The following PTPRD variants were observed in gnomAD, a reference collection of about 807,000 sequenced individuals.
PTPRD encodes the protein receptor-type tyrosine-protein phosphatase delta.
In PTPRD, 34 loss-of-function variants were observed where a neutral mutation model predicts 214.5. The observed-to-expected ratio is 0.16, with a 90% CI of 0.12 to 0.21. The LOEUF (loss-of-function observed/expected upper bound fraction) is 0.21. Ranked by LOEUF, PTPRD falls within the 10% of genes least tolerant of loss-of-function variation. The pLI is 1.00. For synonymous variants in PTPRD, 1,128 were observed against 845.7 expected (o/e 1.33, Z -5.79); for missense variants, 2,545 against 2,398.7 (o/e 1.06, Z -1.27).
At chr9:8,645,572 T>C (rs2096669343) in intron 12 of PTPRD, among the ~76,000 whole-genome samples, 2 of 152,130 alleles carry the variant, frequency 1.3e-5, no homozygotes, top group African/African-American at 4.8e-5. Flanking sequence ...TAGATATCTA[T>C]GCCTCTGTAT....
intron 5 of PTPRD, among the ~76,000 whole-genome samples, chr9:9,813,191 TTAA>T (rs1178340292): frequency 1.6e-4 from 24 of 151,964 alleles, no homozygotes; most frequent in African/African-American, 5.8e-4. Flanking sequence ...CTTACATTTA[TTAA>T]TAATAAAGAT....
At chr9:9,372,065 G>T (rs572848229) in intron 9 of PTPRD, among the ~76,000 whole-genome samples, 1 of 152,152 alleles carries the variant, frequency 6.6e-6, no homozygotes, top group African/African-American at 2.4e-5. Flanking sequence ...AGTGCAGTGT[G>T]GTGCTGAAAA....
chr9:10,288,004 C>G (rs1565051820), intron 3 of PTPRD, among the ~76,000 whole-genome samples: 1 of 151,734 alleles, frequency 6.6e-6, no homozygotes, highest in East Asian at 1.9e-4. Flanking sequence ...GCCTCAAATT[C>G]AATAATGACT....
intron 9 of PTPRD, among the ~76,000 whole-genome samples, chr9:9,313,747 T>C (rs1025016072): frequency 6.6e-6 from 1 of 152,144 alleles, no homozygotes; most frequent in Admixed American, 6.6e-5. Context: ...AACCAATGCC[T>C]CAGTCCACAG....
chr9:9,325,601 A>G (rs546201748), intron 9 of PTPRD, among the ~76,000 whole-genome samples: 1 of 152,226 alleles, frequency 6.6e-6, no homozygotes, highest in Admixed American at 6.5e-5. Context: ...GGCTGAGACA[A>G]TGGGGTTTTC....
At chr9:10,430,599 G>C (rs1224880683) in intron 2 of PTPRD, among the ~76,000 whole-genome samples, 1 of 151,780 alleles carries the variant, frequency 6.6e-6, no homozygotes, top group Non-Finnish European at 1.5e-5. Context: ...ATTTAAGATA[G>C]TCTGCTGAAA....
At chr9:10,515,951 T>C (rs986915674) in intron 2 of PTPRD, among the ~76,000 whole-genome samples, 1 of 151,992 alleles carries the variant, frequency 6.6e-6, no homozygotes, top group Non-Finnish European at 1.5e-5. Context: ...TGTATGGATA[T>C]ACTACATTTT....
Position 8,629,759 on chromosome 9 carries a change from C to G in PTPRD, c.352+3558G>C, listed in dbSNP as rs1231457332. ...CAAGACAACTAAAAAATTAAAATGA[C>G]TTGGAAGACATAAGCCCTACATTCA... On this transcript the variant is annotated intron_variant, in intron 14 of 45. Coordinates refer to ENST00000381196, the MANE Select transcript of PTPRD (RefSeq NM_002839.4). 1.6e-4 allele frequency among the ~76,000 whole-genome samples: 24 copies of G among 151,740 alleles called. 1 individual carries two copies. The highest frequency in any genetic ancestry group is 2.9e-5 in the Non-Finnish European group (2 of 67,852).
chr9:8,910,152 C>A (rs954854575), intron 11 of PTPRD, among the ~76,000 whole-genome samples: 1 of 152,064 alleles, frequency 6.6e-6, no homozygotes, highest in Non-Finnish European at 1.5e-5. Context: ...CCTTCTCCTG[C>A]CCCAGCCTCC....
In PTPRD at chr9:8,464,189, A is replaced by G. The variant is rs867221560; in HGVS notation, c.3714+1277T>C. Among the ~76,000 whole-genome samples the G allele has an allele frequency of 5.9e-5, 9 of 152,044 alleles. No homozygotes were observed. In the South Asian group the frequency reaches 1.9e-3, roughly 31 times the overall value. On this transcript the variant is annotated intron_variant, in intron 32 of 45. Transcript: ENST00000381196. ...TCGAATGAGATTTCTCTTCTTTGCT[A>G]GATTCTCTGATCTACCTCAATGCTC...
At position 8,977,858 on chromosome 9, in the gene PTPRD, G is replaced by A. The variant is rs2154338059; in HGVS notation, c.-104+40839C>T. ...GGAAAGACTGAGGGAGGTAGAAAAT[G>A]TAATGGAAAAACGTAATATAGCAGG... On this transcript the variant is annotated intron_variant, in intron 11 of 45. Coordinates refer to ENST00000381196, the MANE Select transcript of PTPRD (RefSeq NM_002839.4). Among the ~76,000 whole-genome samples, 3 of 152,180 alleles carry A rather than the reference G, an allele frequency of 2.0e-5. No individual in the cohort carries two copies. The Middle Eastern group carries it at 0.01, about 518-fold the overall frequency.
At chr9:10,294,396 A>G (rs139286207) in intron 3 of PTPRD, among the ~76,000 whole-genome samples, 267 of 152,102 alleles carry the variant, frequency 1.8e-3, no homozygotes, top group African/African-American at 6.1e-3. Context: ...TTACAAGCTA[A>G]AGCATAAAAA....
At chr9:8,979,863 A>G (rs2099299126) in intron 11 of PTPRD, among the ~76,000 whole-genome samples, 1 of 152,092 alleles carries the variant, frequency 6.6e-6, no homozygotes, top group African/African-American at 2.4e-5. Flanking sequence ...TCTTTTGGAC[A>G]TATACCCAAA....
intron 3 of PTPRD, among the ~76,000 whole-genome samples, chr9:10,304,959 T>C: frequency 6.6e-6 from 1 of 152,180 alleles, no homozygotes; most frequent in East Asian, 1.9e-4. Flanking sequence ...GAGACAATCC[T>C]AAGCAAAGAG....
At chr9:9,869,930 G>T (rs1365220218) in intron 5 of PTPRD, among the ~76,000 whole-genome samples, 2 of 151,918 alleles carry the variant, frequency 1.3e-5, no homozygotes, top group South Asian at 2.1e-4. Context: ...TTAAGCAATG[G>T]TTGCTAATTT....
rs1404335490 is a variant in PTPRD at position 9,987,729 on chromosome 9, A to G, written c.-472+45989T>C. Among the ~76,000 whole-genome samples the G allele has an allele frequency of 5.9e-5, 9 of 152,346 alleles. No individual in the cohort carries two copies. In the East Asian group the frequency reaches 1.5e-3, roughly 26 times the overall value. ...GGTTTACCTTAAAGATTTAATATGT[A>G]TCTCAAAATAGTATTTAATTGTTCA... On this transcript the variant is annotated intron_variant, in intron 4 of 45. Transcript: ENST00000381196.
intron 3 of PTPRD, among the ~76,000 whole-genome samples, chr9:10,051,645 C>T (rs917713190): frequency 6.6e-6 from 1 of 151,876 alleles, no homozygotes; most frequent in Non-Finnish European, 1.5e-5. Flanking sequence ...GTTCCCCTTC[C>T]TGTGTCCATG....
rs190947918 is a variant in PTPRD at position 9,640,730 on chromosome 9, G to T, written c.-286-65949C>A. ...TGGTCTTGATCACATTTATGAGGCTGGGAAGTAGAGGGGTGACCCCAGGAA... is the reference window on the plus strand; with the variant it reads ...TGGTCTTGATCACATTTATGAGGCTTGGAAGTAGAGGGGTGACCCCAGGAA... On this transcript the variant is annotated intron_variant, in intron 7 of 45. Transcript: ENST00000381196. Among the ~76,000 whole-genome samples, 417 of 152,328 alleles carry T rather than the reference G, an allele frequency of 2.7e-3. 8 individuals carry two copies. Among genetic ancestry groups the T allele is most frequent in the East Asian group, 2.7e-3 (14 of 5,184 alleles).
intron 10 of PTPRD, among the ~76,000 whole-genome samples, chr9:9,167,809 A>G (rs2099907148): frequency 6.6e-6 from 1 of 152,140 alleles, no homozygotes; most frequent in African/African-American, 2.4e-5. Context: ...ACAAAAAAGC[A>G]AAATTAATTT....
Sources: allele counts gnomAD v4.1 joint callset (sites outside exome capture counted in the v4.1 genomes callset), GRCh38; gene constraint gnomAD v4.1.1; transcripts MANE v1.5; gene names NCBI Gene and HGNC (gene_info 2026-07-23, HGNC 2026-07-21).